Variants in CAMK1D observed in about 807,000 individuals in gnomAD.
CAMK1D encodes the protein calcium/calmodulin-dependent protein kinase type 1D.
A neutral mutation model predicts 47.7 loss-of-function variants in CAMK1D; 9 were observed. That is an observed-to-expected ratio of 0.19 (90% CI 0.11 to 0.33). CAMK1D has a LOEUF of 0.33. Among genes scored for constraint, CAMK1D ranks in the 10% least tolerant of loss-of-function variants. CAMK1D has a pLI of 1.00. For missense variants in CAMK1D, 291 were observed against 488.7 expected, an observed-to-expected ratio of 0.60 and a Z score of 3.81; for synonymous variants, 184 against 184.9, an observed-to-expected ratio of 0.99 and a Z score of 0.04.
chr10:12,714,721 AAAAT>A (rs1293957244), intron 3 of CAMK1D, among the ~76,000 whole-genome samples: 1 of 151,746 alleles, frequency 6.6e-6, no homozygotes, highest in Non-Finnish European at 1.5e-5. Flanking sequence ...TCCAACTCAA[AAAAT>A]AAATAAGTAA....
At chr10:12,752,399 T>G (rs1484748913) in intron 3 of CAMK1D, among the ~76,000 whole-genome samples, 1 of 152,158 alleles carries the variant, frequency 6.6e-6, no homozygotes, top group Non-Finnish European at 1.5e-5. Flanking sequence ...CTAAATAATG[T>G]GTACATATGG....
chr10:12,501,968 C>T (rs988328397), intron 1 of CAMK1D, among the ~76,000 whole-genome samples: 7 of 151,956 alleles, frequency 4.6e-5, no homozygotes, highest in African/African-American at 1.7e-4. Context: ...AGCTGCAGGC[C>T]CTAGGGAGAG....
intron 3 of CAMK1D, among the ~76,000 whole-genome samples, chr10:12,668,204 C>T (rs1001777006): frequency 6.6e-6 from 1 of 152,186 alleles, no homozygotes; most frequent in East Asian, 1.9e-4. Flanking sequence ...TTGCTTTATG[C>T]AATTTCTGCT....
chr10:12,734,422 G>GAGATATATATATAGA (rs1835067179), intron 3 of CAMK1D, among the ~76,000 whole-genome samples: 1 of 5,186 alleles, frequency 1.9e-4, no homozygotes, highest in African/African-American at 2.2e-4. Flanking sequence ...ACACACACAT[G>GAGATATATATATAGA]TATATATATA....
At chr10:12,671,334 C>T (rs1322311552) in intron 3 of CAMK1D, among the ~76,000 whole-genome samples, 4 of 150,802 alleles carry the variant, frequency 2.7e-5, no homozygotes, top group Non-Finnish European at 4.4e-5. Flanking sequence ...ATTGCCGGGT[C>T]GAATGATAGC....
At chr10:12,355,345 T>C (rs138878489) in intron 1 of CAMK1D, among the ~76,000 whole-genome samples, 37 of 152,332 alleles carry the variant, frequency 2.4e-4, no homozygotes, top group African/African-American at 8.9e-4. Flanking sequence ...ATGCTACTTA[T>C]TCTGAAATTG....
chr10:12,694,015 AAT>A (rs1833060887), intron 3 of CAMK1D, among the ~76,000 whole-genome samples: 21 of 70,678 alleles, frequency 3.0e-4, no homozygotes, highest in Admixed American at 1.5e-3. Context: ...ATATATATTA[AAT>A]ATATATAATA....
rs5783264 is a variant in CAMK1D at position 12,350,944 on chromosome 10, C to CTATT, written c.92+1036_92+1039dup. On this transcript the variant is annotated intron_variant, in intron 1 of 10. Coordinates refer to ENST00000619168, the MANE Select transcript of CAMK1D (RefSeq NM_153498.4). ...ATTAGGCTGGGAAGAGAAAGGGGAGCTATTTCATGGGATAAATCAGTGCGT... is the reference window on the plus strand; with the variant it reads ...ATTAGGCTGGGAAGAGAAAGGGGAGCTATTTATTTCATGGGATAAATCAGTGCGT... Among the ~76,000 whole-genome samples, 890 of 152,310 alleles carry CTATT rather than the reference C, an allele frequency of 5.8e-3. 8 individuals carry two copies. The highest frequency in any genetic ancestry group is 0.02 in the African/African-American group (820 of 41,556).
At chr10:12,490,340 G>GC (rs1415885581) in intron 1 of CAMK1D, among the ~76,000 whole-genome samples, 1 of 152,174 alleles carries the variant, frequency 6.6e-6, no homozygotes, top group Non-Finnish European at 1.5e-5. Flanking sequence ...TTATTCTGCT[G>GC]CCCAGGGATG....
At chr10:12,823,708 C>T (rs756183928) in intron 8 of CAMK1D, among the ~76,000 whole-genome samples, 5 of 152,000 alleles carry the variant, frequency 3.3e-5, no homozygotes, top group East Asian at 1.9e-4. Flanking sequence ...AAAGCTTACC[C>T]GGGGCTGCCA....
intron 1 of CAMK1D, among the ~76,000 whole-genome samples, chr10:12,396,405 C>T (rs1341352985): frequency 6.6e-6 from 1 of 152,208 alleles, no homozygotes; most frequent in Non-Finnish European, 1.5e-5. Flanking sequence ...TTTTCTCCCT[C>T]TCAGGGCTTA....
chr10:12,362,792 C>T (rs1837713953), intron 1 of CAMK1D, among the ~76,000 whole-genome samples: 1 of 144,962 alleles, frequency 6.9e-6, no homozygotes. Flanking sequence ...TTACAGGCGC[C>T]TGCCACCACG....
chr10:12,585,131 G>A (rs1039480481), intron 2 of CAMK1D, among the ~76,000 whole-genome samples: 4 of 152,168 alleles, frequency 2.6e-5, no homozygotes, highest in South Asian at 2.1e-4. Flanking sequence ...ATAAGCCCTC[G>A]CTGAGAAATT....
At chr10:12,655,808 C>A (rs889873130) in intron 2 of CAMK1D, among the ~76,000 whole-genome samples, 2 of 152,222 alleles carry the variant, frequency 1.3e-5, no homozygotes, top group African/African-American at 4.8e-5. Context: ...TGGGTCTTTT[C>A]TGTGTAAACA....
At chr10:12,560,337 G>T (rs981355410) in intron 2 of CAMK1D, among the ~76,000 whole-genome samples, 2 of 152,016 alleles carry the variant, frequency 1.3e-5, no homozygotes, top group African/African-American at 4.8e-5. Context: ...CGGATCACCT[G>T]AGGTCAGGAG....
At position 12,761,661 on chromosome 10, in the gene CAMK1D, G is replaced by A. The variant is rs182988994; in HGVS notation, c.438+575G>A. Among the ~76,000 whole-genome samples, 124 of 152,286 alleles carry A rather than the reference G, an allele frequency of 8.1e-4. 1 individual carries two copies. In the East Asian group the frequency reaches 0.022, roughly 28 times the overall value. The stretch of plus-strand genomic sequence containing the variant: ...CCCAGCACTTTGGGAGGCCGAGGAA[G>A]GCAGATCATGAGGTTAAGAAATCAA... On this transcript the variant is annotated intron_variant, in intron 4 of 10. Transcript: ENST00000619168.
chr10:12,676,028 C>A (rs995610164), intron 3 of CAMK1D, among the ~76,000 whole-genome samples: 1 of 152,190 alleles, frequency 6.6e-6, no homozygotes, highest in Non-Finnish European at 1.5e-5. Flanking sequence ...TCTCGGCTCA[C>A]CACAACCTCT....
chr10:12,484,787 A>G (rs1834162245), intron 1 of CAMK1D, among the ~76,000 whole-genome samples: 1 of 116,824 alleles, frequency 8.6e-6, no homozygotes, highest in South Asian at 2.8e-4. Flanking sequence ...TCCAGTGGAG[A>G]GGCCACTCTG....
chr10:12,548,632 T>C (rs1461695628), intron 1 of CAMK1D, among the ~76,000 whole-genome samples: 3 of 151,888 alleles, frequency 2.0e-5, no homozygotes, highest in Non-Finnish European at 4.4e-5. Flanking sequence ...ACCTGGCTAA[T>C]TTTTAAATTT....
Sources: allele counts gnomAD v4.1 joint callset (sites outside exome capture counted in the v4.1 genomes callset), GRCh38; gene constraint gnomAD v4.1.1; transcripts MANE v1.5; gene names NCBI Gene and HGNC (gene_info 2026-07-23, HGNC 2026-07-21).